Variants in ARHGAP19 observed in about 807,000 individuals in gnomAD.
ARHGAP19 encodes Rho GTPase activating protein 19.
Under a neutral mutation model 60.9 loss-of-function variants are expected in ARHGAP19, and 48 were observed. The observed-to-expected ratio is 0.79, with a 90% CI of 0.62 to 1.00. The LOEUF (loss-of-function observed/expected upper bound fraction) is 1.00, where lower values mean the gene tolerates loss of function less well. Ranked by LOEUF, ARHGAP19 falls within the 50% of genes least tolerant of loss-of-function variation. ARHGAP19 has a pLI of 0.00. For synonymous variants in ARHGAP19, 209 were observed against 215.5 expected, an observed-to-expected ratio of 0.97 and a Z score of 0.27; for missense variants, 562 against 597.2, an observed-to-expected ratio of 0.94 and a Z score of 0.61.
At chr10:97,230,093 C>A (rs1156361424) in intron 9 of ARHGAP19, among the ~76,000 whole-genome samples, 3 of 152,100 alleles carry the variant, frequency 2.0e-5, no homozygotes, top group Non-Finnish European at 4.4e-5. Flanking sequence ...CACTTTTCCT[C>A]CACATTTAAA....
At chr10:97,265,662 A>T in intron 2 of ARHGAP19, 198 bp downstream of exon 2, 1 of 600,430 alleles carries the variant, frequency 1.7e-6, no homozygotes, top group Non-Finnish European at 2.8e-6. Flanking sequence ...TATTTGCTTT[A>T]GTTTAATTAT....
In ARHGAP19 at chr10:97,244,030, C is replaced by T. The variant is rs1410962092; in HGVS notation, c.1123G>A (p.Glu375Lys). ...ATATCATGAACGTGTTGAAACAGCTCTCTCAGTGCCTCTTCCGTATGGTGC... is the reference window on the plus strand; with the variant it reads ...ATATCATGAACGTGTTGAAACAGCTTTCTCAGTGCCTCTTCCGTATGGTGC... ...TQHHTEEALRELFQHVHDMPE... is the reference protein window; with the variant it reads ...TQHHTEEALRKLFQHVHDMPE... Residue 375 changes from glutamate (E) to lysine (K), a missense_variant, in exon 8 of 12, where the codon GAG (glutamate) becomes AAG (lysine). Transcript: ENST00000358531. 2 of 1,613,958 alleles carry T rather than the reference C, an allele frequency of 1.2e-6. No individual in the cohort carries two copies. The highest frequency in any genetic ancestry group is 1.7e-6 in the Non-Finnish European group (2 of 1,179,966).
At chr10:97,272,705 C>T (rs1842975291) in intron 1 of ARHGAP19, among the ~76,000 whole-genome samples, 1 of 152,000 alleles carries the variant, frequency 6.6e-6, no homozygotes, top group African/African-American at 2.4e-5. Context: ...ATCCTCTTAT[C>T]TTTTTTAATG....
In ARHGAP19 at chr10:97,222,399, C is replaced by CGAA. The variant is rs1850819627; in HGVS notation, c.*3722_*3723insTTC. 1 of 152,196 alleles carries CGAA rather than the reference C, an allele frequency of 6.6e-6. No homozygotes were observed. Among genetic ancestry groups the CGAA allele is most frequent in the Non-Finnish European group, 1.5e-5 (1 of 68,050 alleles). 9.4% of individuals were successfully genotyped at this position (152,196 alleles called of 1,614,324 possible). ...GAACCCTGGGGTGAGGGAATATTTCCCCCAACAGGTTCTATCTGTCCCCAG... is the reference window on the plus strand; with the variant it reads ...GAACCCTGGGGTGAGGGAATATTTCCGAACCCAACAGGTTCTATCTGTCCCCAG... On this transcript the variant is annotated 3_prime_UTR_variant, in exon 12 of 12. Coordinates refer to ENST00000358531, the MANE Select transcript of ARHGAP19 (RefSeq NM_032900.6).
chr10:97,288,839 G>A (rs1361251485), intron 1 of ARHGAP19, among the ~76,000 whole-genome samples: 2 of 133,806 alleles, frequency 1.5e-5, no homozygotes, highest in African/African-American at 5.9e-5. Context: ...TTTTGAGCTG[G>A]AGTCTCACTC....
intron 7 of ARHGAP19, among the ~76,000 whole-genome samples, chr10:97,245,582 C>T (rs889286771): frequency 6.3e-5 from 8 of 127,414 alleles, no homozygotes; most frequent in African/African-American, 8.6e-5. Flanking sequence ...CCCAACAGAG[C>T]GAAACCCTAT....
intron 7 of ARHGAP19, among the ~76,000 whole-genome samples, chr10:97,244,977 A>C (rs1270267617): frequency 6.6e-6 from 1 of 151,824 alleles, no homozygotes; most frequent in Non-Finnish European, 1.5e-5. Context: ...AAGAGACCCA[A>C]GCAGGCACAT....
intron 1 of ARHGAP19, among the ~76,000 whole-genome samples, chr10:97,281,974 A>T (rs1760281678): frequency 1.3e-5 from 2 of 152,202 alleles, no homozygotes; most frequent in Non-Finnish European, 2.9e-5. Context: ...AAAGAGAGGT[A>T]CACAGGGGAG....
chr10:97,234,130 G>T (rs924178509), intron 9 of ARHGAP19, among the ~76,000 whole-genome samples: 4 of 152,018 alleles, frequency 2.6e-5, no homozygotes, highest in African/African-American at 9.7e-5. Context: ...AGCTGGGCAT[G>T]GTGGCAGGCA....
intron 1 of ARHGAP19, among the ~76,000 whole-genome samples, chr10:97,284,580 A>G (rs912158369): frequency 2.6e-5 from 4 of 152,144 alleles, no homozygotes; most frequent in Non-Finnish European, 4.4e-5. Context: ...CTCACGGTTC[A>G]GTGCATCCTT....
chr10:97,251,404 G>T (rs1396412446), intron 6 of ARHGAP19, among the ~76,000 whole-genome samples: 1 of 50,742 alleles, frequency 2.0e-5, no homozygotes, highest in Non-Finnish European at 4.1e-5. Context: ...GAAGGGGAAG[G>T]GAAGGGAAAG....
intron 6 of ARHGAP19, among the ~76,000 whole-genome samples, chr10:97,253,159 C>T (rs1049996656): frequency 3.3e-5 from 5 of 152,016 alleles, no homozygotes; most frequent in East Asian, 3.9e-4. Context: ...GAGGCCGAGG[C>T]GGGCGGTCAG....
At chr10:97,263,688 A>G (rs1842861489) in intron 3 of ARHGAP19, 59 bp from the exon 4 acceptor site, 1 of 1,518,222 alleles carries the variant, frequency 6.6e-7, no homozygotes, top group Non-Finnish European at 9.1e-7. Flanking sequence ...GATTATTATT[A>G]AAATAAATGG....
intron 7 of ARHGAP19, among the ~76,000 whole-genome samples, chr10:97,244,880 TCTCA>T (rs1473128946): frequency 9.3e-5 from 14 of 150,508 alleles, no homozygotes; most frequent in African/African-American, 2.9e-4. Context: ...ATTTTTAACT[TCTCA>T]CTTTTTTTTT....
intron 6 of ARHGAP19, among the ~76,000 whole-genome samples, chr10:97,249,900 G>A (rs1414967407): frequency 6.7e-6 from 1 of 149,272 alleles, no homozygotes; most frequent in African/African-American, 2.5e-5. Flanking sequence ...CCGGGTTCAC[G>A]CCATTCTCCT....
intron 1 of ARHGAP19, among the ~76,000 whole-genome samples, chr10:97,273,664 T>C (rs1423894449): frequency 6.6e-6 from 1 of 151,548 alleles, no homozygotes; most frequent in Non-Finnish European, 1.5e-5. Flanking sequence ...AATTTTTGTA[T>C]TTTTAGTAGA....
chr10:97,287,304 T>G (rs111853835), intron 1 of ARHGAP19, among the ~76,000 whole-genome samples: 19 of 152,134 alleles, frequency 1.2e-4, no homozygotes, highest in African/African-American at 4.3e-4. Flanking sequence ...TAAGAGTAAC[T>G]TGAAGGTATA....
At chr10:97,234,881 T>C (rs1341202080) in intron 9 of ARHGAP19, among the ~76,000 whole-genome samples, 1 of 152,150 alleles carries the variant, frequency 6.6e-6, no homozygotes, top group African/African-American at 2.4e-5. Flanking sequence ...GTTTACCAAA[T>C]TGCATAAAGA....
intron 1 of ARHGAP19, among the ~76,000 whole-genome samples, chr10:97,273,533 G>A (rs1399347474): frequency 7.5e-6 from 1 of 132,740 alleles, no homozygotes; most frequent in African/African-American, 2.8e-5. Context: ...CTGTCGCCCA[G>A]GCTGGAGTAC....
Sources: allele counts gnomAD v4.1 joint callset (sites outside exome capture counted in the v4.1 genomes callset), GRCh38; gene constraint gnomAD v4.1.1; transcripts MANE v1.5; gene names NCBI Gene and HGNC (gene_info 2026-07-23, HGNC 2026-07-21).